TOP3B: variants seen among roughly 807,000 people sequenced by gnomAD.
The protein encoded by TOP3B is DNA topoisomerase 3-beta-1.
In TOP3B, 45 loss-of-function variants were observed where a neutral mutation model predicts 93.9. The ratio of observed to expected loss-of-function variants is 0.48; its 90% CI spans 0.38 to 0.61. The LOEUF is 0.61. TOP3B is among the 20% of genes least tolerant of loss of function. TOP3B has a pLI of 0.00. For synonymous variants in TOP3B, 357 were observed against 472.6 expected (o/e 0.76, Z 3.17); for missense variants, 750 against 1,156.1 (o/e 0.65, Z 5.09).
chr22:21,972,523 T>G, intron 4 of TOP3B, 89 bp downstream of exon 4: 1 of 1,018,498 alleles, frequency 9.8e-7, no homozygotes, highest in Non-Finnish European at 1.4e-6. Context: ...CCAAGGGGGA[T>G]TAGGACTCAA....
chr22:21,974,493 G>C lies in TOP3B; in HGVS notation c.71-5C>G. On this transcript the variant is annotated splice_region_variant and splice_polypyrimidine_tract_variant and intron_variant, in intron 2 of 17. Coordinates refer to ENST00000357179, the MANE Select transcript of TOP3B (RefSeq NM_001282112.2). ...CTTTGTGTGAGGACAGGCTCCCTGG[G>C]GATGAGGAAGCACAAAGTGACTGGC... 1 of 1,599,410 alleles carries C rather than the reference G, an allele frequency of 6.3e-7. No individual in the cohort carries two copies. Among genetic ancestry groups the C allele is most frequent in the Non-Finnish European group, 8.5e-7 (1 of 1,171,884 alleles).
intron 17 of TOP3B, chr22:21,958,229 G>A: frequency 1.5e-6 from 2 of 1,344,354 alleles, no homozygotes; most frequent in Non-Finnish European, 9.6e-7. Flanking sequence ...CTCAGCTCCA[G>A]AGGGAGCACT....
intron 14 of TOP3B, 122 bp downstream of exon 14, chr22:21,960,197 AGT>A (rs1275942254): frequency 4.2e-6 from 6 of 1,415,154 alleles, no homozygotes; most frequent in East Asian, 4.6e-5. Flanking sequence ...GTGTTGAGGG[AGT>A]GTGTGTGGGG....
intron 13 of TOP3B, chr22:21,961,989 T>G: frequency 1.5e-6 from 1 of 647,990 alleles, no homozygotes; most frequent in Non-Finnish European, 2.1e-6. Context: ...TGGGGAGCCC[T>G]GTGCCTGGGA....
Position 21,970,009 on chromosome 22 carries a change from A to G in TOP3B, c.581+201T>C. 1 of 524,030 alleles carries G rather than the reference A, an allele frequency of 1.9e-6. No homozygotes were observed. The highest frequency in any genetic ancestry group is 3.0e-5 in the East Asian group (1 of 33,832). The allele number at this position is 524,030 out of a possible 1,614,324, so 32.5% of individuals were successfully genotyped here. A position where few individuals can be genotyped will look rare whatever the true frequency, so the allele number is the denominator to read the frequency against. ...GGTCTCAAACTGCCAACCTCAAGCA[A>G]TCCTCCTATCCTGGTCTCCCAAAGT... On this transcript the variant is annotated intron_variant, in intron 6 of 17. Coordinates refer to ENST00000357179, the MANE Select transcript of TOP3B (RefSeq NM_001282112.2). This position sits in a 1 kb window ranked among gnomAD's most constrained non-coding sequence, Gnocchi z 4.4.
In TOP3B at chr22:21,970,144, T is replaced by C. The variant is rs1360563866; in HGVS notation, c.581+66A>G. The stretch of plus-strand genomic sequence containing the variant: ...CCTAGGGGCCCCGGAGGGGGACCAG[T>C]AGAGGCAGGTCTCTGGCTGAGGGAG... On this transcript the variant is annotated intron_variant, in intron 6 of 17. Coordinates refer to ENST00000357179, the MANE Select transcript of TOP3B (RefSeq NM_001282112.2). This position sits in a 1 kb window ranked among gnomAD's most constrained non-coding sequence, Gnocchi z 4.4. 3.8e-6 allele frequency: 6 copies of C among 1,567,084 alleles called. No homozygotes were observed. In the Admixed American group the frequency reaches 6.8e-5, roughly 18 times the overall value.
intron 1 of TOP3B, among the ~76,000 whole-genome samples, chr22:21,979,683 TG>T (rs2084575555): frequency 6.6e-6 from 1 of 150,996 alleles, no homozygotes; most frequent in Non-Finnish European, 1.5e-5. Flanking sequence ...GGCTCACGCC[TG>T]TAATCCCAGC....
Position 21,968,499 on chromosome 22 carries a change from T to G in TOP3B, c.738+120A>C, listed in dbSNP as rs964272047. The G allele has an allele frequency of 2.3e-6, 3 of 1,323,208 alleles. No individual in the cohort carries two copies. The African/African-American group carries it at 4.4e-5, about 19-fold the overall frequency. 82.0% of individuals were successfully genotyped at this position (1,323,208 alleles called of 1,614,324 possible). On this transcript the variant is annotated intron_variant, in intron 7 of 17. Transcript: ENST00000357179. The stretch of plus-strand genomic sequence containing the variant: ...CTAGGCACCACAGACCACTTCCAGG[T>G]ACAGCCGTCCACACTTCTGCCCTCA...
intron 7 of TOP3B, 93 bp from the exon 8 acceptor site, chr22:21,967,809 T>C: frequency 1.0e-6 from 1 of 972,720 alleles, no homozygotes; most frequent in South Asian, 1.4e-5. Flanking sequence ...AGCTGGTCCT[T>C]GTCTGGGAGC....
chr22:21,973,173 T>A, intron 3 of TOP3B: 1 of 195,448 alleles, frequency 5.1e-6, no homozygotes, highest in Non-Finnish European at 1.1e-5. Context: ...CAGTCGTTCC[T>A]GTTAAAGGAC....
At chr22:21,962,126 A>C (rs1160622223) in intron 13 of TOP3B, 2 of 1,330,654 alleles carry the variant, frequency 1.5e-6, no homozygotes, top group Non-Finnish European at 1.9e-6. Context: ...TCTATGAGTC[A>C]CCTGGCATCT....
chr22:21,979,847 A>AGGAGAACGGTGTGAACCCGGGAAGC (rs2084584456), intron 1 of TOP3B, among the ~76,000 whole-genome samples: 1 of 149,072 alleles, frequency 6.7e-6, no homozygotes, highest in Non-Finnish European at 1.5e-5. Context: ...AGGCTGAGGC[A>AGGAGAACGGTGTGAACCCGGGAAGC]GGAGAATGGT....
Position 21,962,035 on chromosome 22 carries a change from T to A in TOP3B, c.1525+394A>T, listed in dbSNP as rs868732975. Reference sequence around the variant, plus strand: ...TGTTCTCTCCCAGGGAAGCAGCTCCTGTGAGATCTCATTTCCCTGTCACCT... The same window carrying A: ...TGTTCTCTCCCAGGGAAGCAGCTCCAGTGAGATCTCATTTCCCTGTCACCT... On this transcript the variant is annotated intron_variant, in intron 13 of 17. Coordinates refer to ENST00000357179, the MANE Select transcript of TOP3B (RefSeq NM_001282112.2). 13 of 993,494 alleles carry A rather than the reference T, an allele frequency of 1.3e-5. No individual in the cohort carries two copies. The African/African-American group carries it at 2.2e-4, about 17-fold the overall frequency. The allele number at this position is 993,494 out of a possible 1,614,324, so 61.5% of individuals were successfully genotyped here.
intron 8 of TOP3B, chr22:21,966,252 T>C (rs2071409672): frequency 1.3e-5 from 2 of 152,154 alleles, no homozygotes; most frequent in South Asian, 4.1e-4. Flanking sequence ...TTGTCCAGGC[T>C]GGTCTCAAAC....
rs924347463 is a variant in TOP3B at position 21,982,714 on chromosome 22, G to C, written c.-99+16C>G. 1.3e-5 allele frequency: 2 copies of C among 152,222 alleles called. No individual in the cohort carries two copies. The highest frequency in any genetic ancestry group is 2.9e-5 in the Non-Finnish European group (2 of 68,044). The allele number at this position is 152,222 out of a possible 1,614,324, so 9.4% of individuals were successfully genotyped here. A position where few individuals can be genotyped will look rare whatever the true frequency, so the allele number is the denominator to read the frequency against. On this transcript the variant is annotated intron_variant, in intron 1 of 17. Transcript: ENST00000357179. ...TTCTGAGCCGCCGGGCGAGGGTCCC[G>C]CAGCCCGCCGCTCACCCACAGCCGC... is the stretch of plus-strand genomic sequence containing the variant.
Position 21,963,930 on chromosome 22 carries a change from G to A in TOP3B, c.1197C>T (p.Ala399=), listed in dbSNP as rs151148764. 67 of 1,613,578 alleles carry A rather than the reference G, an allele frequency of 4.2e-5. No homozygotes were observed. The highest frequency in any genetic ancestry group is 2.5e-4 in the Admixed American group (15 of 59,990). The change falls in exon 11 of 18, where the codon GCC becomes GCT. Residue 399 remains alanine (A), a synonymous_variant. Coordinates refer to ENST00000357179, the MANE Select transcript of TOP3B (RefSeq NM_001282112.2). This position sits in a 1 kb window ranked among gnomAD's most constrained non-coding sequence, Gnocchi z 4.8. ...PITPMKSATE[A]ELGGDAWRLY... ...ATGGGATGAGAGCGGTACCTAATTC[G>A]GCCTCTGTGGCAGACTTCATGGGGG...
chr22:21,970,186 G>C lies in TOP3B; in HGVS notation c.581+24C>G, dbSNP rs1219231233. ...CTGAGGGAGAGTGAGGGTGTGCCCA[G>C]GACTCTGCGGGTGTGGCCAGCACCT... is the stretch of plus-strand genomic sequence containing the variant. On this transcript the variant is annotated intron_variant, in intron 6 of 17. Coordinates refer to ENST00000357179, the MANE Select transcript of TOP3B (RefSeq NM_001282112.2). This position sits in a 1 kb window ranked among gnomAD's most constrained non-coding sequence, Gnocchi z 4.4. 6.3e-7 allele frequency: 1 copy of C among 1,585,872 alleles called. No individual in the cohort carries two copies. Among genetic ancestry groups the C allele is most frequent in the Admixed American group, 1.7e-5 (1 of 59,442 alleles).
At chr22:21,962,270 G>C in intron 13 of TOP3B, 159 bp downstream of exon 13, 1 of 1,583,840 alleles carries the variant, frequency 6.3e-7, no homozygotes, top group Non-Finnish European at 8.5e-7. Context: ...CTGTGGACCT[G>C]CCTGGCTGGC....
intron 4 of TOP3B, 65 bp from the exon 5 acceptor site, chr22:21,972,016 G>T: frequency 7.0e-7 from 1 of 1,434,250 alleles, no homozygotes; most frequent in Non-Finnish European, 9.6e-7. Flanking sequence ...CGCCCCCAGT[G>T]CTCCCATCCA....
Sources: allele counts gnomAD v4.1 joint callset (sites outside exome capture counted in the v4.1 genomes callset), GRCh38; gene constraint gnomAD v4.1.1; non-coding constraint Gnocchi (gnomAD v3.1); transcripts MANE v1.5; gene names NCBI Gene and HGNC (gene_info 2026-07-23, HGNC 2026-07-21).